The following HLCS variants were observed in gnomAD, a reference collection of about 807,000 sequenced individuals.
HLCS encodes biotin--protein ligase.
A neutral mutation model predicts 75.0 loss-of-function variants in HLCS; 53 were observed. The ratio of observed to expected loss-of-function variants is 0.71; its 90% CI spans 0.57 to 0.89. The LOEUF is 0.89. Among genes scored for constraint, HLCS ranks in the 40% least tolerant of loss-of-function variants. The pLI is 0.00. For missense variants in HLCS, 966 were observed against 1,074.0 expected, an observed-to-expected ratio of 0.90 and a Z score of 1.41; for synonymous variants, 431 against 428.6, an observed-to-expected ratio of 1.01 and a Z score of -0.07.
chr21:36,917,976 T>C (rs115215027), intron 5 of HLCS, among the ~76,000 whole-genome samples: 1,737 of 151,674 alleles, frequency 0.011, 25 homozygotes, highest in African/African-American at 0.036. Context: ...TGAAGTACTC[T>C]CTTTCAAAAG....
chr21:36,967,948 G>A (rs566782480), upstream of HLCS, among the ~76,000 whole-genome samples: 58 of 152,268 alleles, frequency 3.8e-4, no homozygotes, highest in Non-Finnish European at 7.4e-4. Context: ...TCGAACTCCT[G>A]ACCTCAGGTG....
chr21:36,866,398 C>T (rs1374454458), intron 6 of HLCS, among the ~76,000 whole-genome samples: 6 of 152,176 alleles, frequency 3.9e-5, no homozygotes, highest in Non-Finnish European at 7.3e-5. Context: ...GCCATTTTGA[C>T]GGTCATTACA....
chr21:36,973,305 T>C (rs2068845775), intron 1 of HLCS, among the ~76,000 whole-genome samples: 1 of 150,194 alleles, frequency 6.7e-6, no homozygotes, highest in African/African-American at 2.5e-5. Flanking sequence ...TGATAAAGGA[T>C]TCATATCTAG....
At chr21:36,829,852 T>G (rs1021443444) in intron 6 of HLCS, among the ~76,000 whole-genome samples, 56 of 152,190 alleles carry the variant, frequency 3.7e-4, no homozygotes, top group Non-Finnish European at 4.4e-5. Flanking sequence ...AGCTACACTA[T>G]ATGAGCTCAC....
chr21:36,755,333 C>G (rs192373155), intron 10 of HLCS, among the ~76,000 whole-genome samples: 2 of 151,098 alleles, frequency 1.3e-5, no homozygotes, highest in Admixed American at 1.3e-4. Flanking sequence ...CCCGGGAGTT[C>G]AAGGTTTCAG....
chr21:36,756,254 C>T lies in HLCS; in HGVS notation c.2450+288G>A, dbSNP rs556965051. Among the ~76,000 whole-genome samples the T allele has an allele frequency of 7.8e-4, 106 of 135,386 alleles. No individual in the cohort carries two copies. The Middle Eastern group carries it at 0.01, about 13-fold the overall frequency. 88.8% of individuals were successfully genotyped at this position (135,386 alleles called of 152,430 possible). On this transcript the variant is annotated intron_variant, in intron 10 of 10. Transcript: ENST00000674895. ...GAGATCGAGACCATCCTGGCTAACA[C>T]GGTGAAACCCCACCTCCACTAAAAA...
chr21:36,867,902 G>A (rs906696138), intron 6 of HLCS, among the ~76,000 whole-genome samples: 5 of 152,084 alleles, frequency 3.3e-5, no homozygotes, highest in Non-Finnish European at 5.9e-5. Context: ...GGAGGCCAAG[G>A]TGGGAGGATC....
At chr21:36,924,616 C>T (rs2066320686) in intron 5 of HLCS, among the ~76,000 whole-genome samples, 1 of 152,160 alleles carries the variant, frequency 6.6e-6, no homozygotes, top group African/African-American at 2.4e-5. Context: ...GTCCTGTACG[C>T]CAGCTTCCTC....
chr21:36,906,023 C>A (rs562725204), intron 5 of HLCS, among the ~76,000 whole-genome samples: 2 of 132,214 alleles, frequency 1.5e-5, no homozygotes, highest in African/African-American at 2.9e-5. Context: ...GCACTCCAGG[C>A]TGGGCAACAG....
intron 6 of HLCS, among the ~76,000 whole-genome samples, chr21:36,867,624 G>T (rs2063603425): frequency 6.6e-6 from 1 of 152,172 alleles, no homozygotes; most frequent in Admixed American, 6.5e-5. Context: ...GCAATGACCA[G>T]ATGACTGACC....
At chr21:36,982,857 C>G (rs1049289967) in intron 1 of HLCS, among the ~76,000 whole-genome samples, 2 of 152,048 alleles carry the variant, frequency 1.3e-5, no homozygotes, top group African/African-American at 4.8e-5. Context: ...GGTGAAACCC[C>G]ATCTCTACTA....
chr21:36,960,269 G>T (rs1847478143), intron 2 of HLCS, among the ~76,000 whole-genome samples: 1 of 152,038 alleles, frequency 6.6e-6, no homozygotes, highest in African/African-American at 2.4e-5. Flanking sequence ...GGTGGAATAA[G>T]ACCAGTGGGC....
At chr21:36,982,704 T>C (rs1220698791) in intron 1 of HLCS, among the ~76,000 whole-genome samples, 1 of 152,130 alleles carries the variant, frequency 6.6e-6, no homozygotes, top group Non-Finnish European at 1.5e-5. Context: ...GACCCATGAA[T>C]CCTAGGACAA....
intron 2 of HLCS, among the ~76,000 whole-genome samples, chr21:36,946,735 T>A (rs1461840430): frequency 6.6e-6 from 1 of 152,090 alleles, no homozygotes. Context: ...AAAGAGAAAC[T>A]CCAGAATTTT....
intron 6 of HLCS, among the ~76,000 whole-genome samples, chr21:36,828,566 C>T (rs1330217658): frequency 6.6e-6 from 1 of 152,090 alleles, no homozygotes; most frequent in African/African-American, 2.4e-5. Context: ...GCAATAGATA[C>T]ATAATACCAT....
intron 6 of HLCS, among the ~76,000 whole-genome samples, chr21:36,779,684 G>A (rs2060469990): frequency 6.7e-6 from 1 of 149,412 alleles, no homozygotes; most frequent in Non-Finnish European, 1.5e-5. Context: ...TTCAAATATT[G>A]TATTGAACAT....
rs1170311172 is a variant in HLCS, at chr21:36,749,780, AG to A, written c.*4465del. On this transcript the variant is annotated 3_prime_UTR_variant, in exon 11 of 11. Coordinates refer to ENST00000674895, the MANE Select transcript of HLCS (RefSeq NM_001352514.2). The stretch of plus-strand genomic sequence containing the variant: ...AGATACCACCGACATTTTTCAATAA[AG>A]TACTGCAAAATGCTTTTGTGTCTAC... 1 of 152,226 alleles carries A rather than the reference AG, an allele frequency of 6.6e-6. No individual in the cohort carries two copies. Among genetic ancestry groups the A allele is most frequent in the Non-Finnish European group, 1.5e-5 (1 of 68,042 alleles). The allele number at this position is 152,226 out of a possible 1,614,324, so 9.4% of individuals were successfully genotyped here. A position where few individuals can be genotyped will look rare whatever the true frequency, so the allele number is the denominator to read the frequency against.
At position 36,765,126 on chromosome 21, in the gene HLCS, A is replaced by G. The variant is rs771763285; in HGVS notation, c.2007T>C (p.Ser669=). 6.2e-7 allele frequency: 1 copy of G among 1,614,192 alleles called. No homozygotes were observed. The highest frequency in any genetic ancestry group is 1.1e-5 in the South Asian group (1 of 91,084). ...VWLSPVGCAL[S]TLLISIPLRS... ...TCAGTGGAATGGAGATGAGCAGAGT[A>G]GAAAGAGCACATCCCACAGGGCTCA... The change falls in exon 8 of 11, where the codon TCT becomes TCC. Residue 669 remains serine (S), a synonymous_variant. Coordinates refer to ENST00000674895, the MANE Select transcript of HLCS (RefSeq NM_001352514.2).
chr21:36,769,299 G>A (rs1237397083), intron 6 of HLCS, among the ~76,000 whole-genome samples: 2 of 152,158 alleles, frequency 1.3e-5, no homozygotes, highest in Non-Finnish European at 2.9e-5. Flanking sequence ...ACAACTGGAG[G>A]CCGCCAGATT....
Sources: allele counts gnomAD v4.1 joint callset (sites outside exome capture counted in the v4.1 genomes callset), GRCh38; gene constraint gnomAD v4.1.1; transcripts MANE v1.5; gene names NCBI Gene and HGNC (gene_info 2026-07-23, HGNC 2026-07-21).